The following HACD3 variants were observed in gnomAD, a reference collection of about 807,000 sequenced individuals.
HACD3 encodes very-long-chain (3R)-3-hydroxyacyl-CoA dehydratase 3.
HACD3 carries 30 observed loss-of-function variants against 55.2 expected under a neutral mutation model. The ratio of observed to expected loss-of-function variants is 0.54; its 90% confidence interval spans 0.41 to 0.74. The LOEUF (loss-of-function observed/expected upper bound fraction) is 0.74. Ranked by LOEUF, HACD3 falls within the 30% of genes least tolerant of loss-of-function variation. The pLI is 0.00. For synonymous variants in HACD3, 141 were observed against 151.7 expected (o/e 0.93, Z 0.52); for missense variants, 363 against 440.1 (o/e 0.82, Z 1.57).
intron 1 of HACD3, among the ~76,000 whole-genome samples, chr15:65,544,397 G>A (rs574314553): frequency 2.0e-5 from 3 of 152,246 alleles, no homozygotes; most frequent in Admixed American, 2.0e-4. Context: ...ACCTGCAAGC[G>A]AATGCAAGTA....
At chr15:65,560,639 A>G (rs2072235256) in intron 5 of HACD3, among the ~76,000 whole-genome samples, 1 of 152,142 alleles carries the variant, frequency 6.6e-6, no homozygotes, top group Non-Finnish European at 1.5e-5. Context: ...TCTACAAAAC[A>G]TAATGGAATA....
intron 1 of HACD3, among the ~76,000 whole-genome samples, chr15:65,537,635 T>TA (rs1215934092): frequency 2.0e-5 from 3 of 149,478 alleles, no homozygotes; most frequent in African/African-American, 7.4e-5. Context: ...TACTAAAAAA[T>TA]AAAAAAAATT....
intron 5 of HACD3, among the ~76,000 whole-genome samples, chr15:65,559,359 A>G (rs567421467): frequency 1.3e-5 from 2 of 152,056 alleles, no homozygotes; most frequent in East Asian, 1.9e-4. Context: ...CGTAGCGCCT[A>G]TACTCAAAAG....
At chr15:65,540,781 T>C (rs2141206283) in intron 1 of HACD3, among the ~76,000 whole-genome samples, 1 of 152,276 alleles carries the variant, frequency 6.6e-6, no homozygotes, top group Admixed American at 6.5e-5. Flanking sequence ...AGGATTTGTG[T>C]TTCAAAAAAG....
intron 7 of HACD3, 119 bp from the exon 8 acceptor site, chr15:65,569,972 T>G: frequency 1.6e-6 from 1 of 618,222 alleles, no homozygotes; most frequent in Non-Finnish European, 2.7e-6. Flanking sequence ...ATTAAACTGG[T>G]CGAGGTCAAT....
At chr15:65,556,699 A>G (rs1301034147) in intron 3 of HACD3, 40 bp from the exon 4 acceptor site, 2 of 1,568,530 alleles carry the variant, frequency 1.3e-6, no homozygotes, top group Non-Finnish European at 8.7e-7. Context: ...GCTTCAGGGA[A>G]CAGAAGAGGG....
At position 65,546,352 on chromosome 15, in the gene HACD3, G is replaced by C. The variant is rs188377800; in HGVS notation, c.88-5324G>C. ...ATGGAATTATTGTTCTTAGGTATTA[G>C]AAAGCTTTGGTAATTATACAAGATA... On this transcript the variant is annotated intron_variant, in intron 1 of 10. Coordinates refer to ENST00000261875, the MANE Select transcript of HACD3 (RefSeq NM_016395.4). Among the ~76,000 whole-genome samples, 603 of 152,096 alleles carry C rather than the reference G, an allele frequency of 4.0e-3. 2 individuals are homozygous for C. The highest frequency in any genetic ancestry group is 6.4e-3 in the Non-Finnish European group (432 of 68,020).
intron 10 of HACD3, among the ~76,000 whole-genome samples, chr15:65,575,440 G>T (rs1184690207): frequency 6.6e-6 from 1 of 152,014 alleles, no homozygotes; most frequent in Non-Finnish European, 1.5e-5. Context: ...CACCCATCTT[G>T]GCCTCCCGAA....
Position 65,558,749 on chromosome 15 carries a change from C to A in HACD3, c.421+18C>A. The stretch of plus-strand genomic sequence containing the variant: ...TCCTGAAAGTAAGTTGTGCTGCTGC[C>A]ATGGTAGTTACCAGTTAACTTGTGC... On this transcript the variant is annotated intron_variant, in intron 5 of 10. Transcript: ENST00000261875. The A allele has an allele frequency of 6.3e-7, 1 of 1,593,724 alleles. No homozygotes were observed. The highest frequency in any genetic ancestry group is 8.6e-7 in the Non-Finnish European group (1 of 1,169,052).
chr15:65,569,247 C>A (rs74790132), intron 7 of HACD3, among the ~76,000 whole-genome samples: 452 of 124,980 alleles, frequency 3.6e-3, no homozygotes, highest in Middle Eastern at 4.5e-3. Flanking sequence ...GACTCTGTCT[C>A]AAAAAAAAAA....
chr15:65,567,916 G>A (rs1267402203), intron 7 of HACD3, among the ~76,000 whole-genome samples: 1 of 151,236 alleles, frequency 6.6e-6, no homozygotes, highest in Non-Finnish European at 1.5e-5. Context: ...TGTTTAATGG[G>A]TCATAGTTTC....
rs778068061 is a variant in HACD3 at position 65,556,907 on chromosome 15, A to G, written c.369+4A>G. 1.9e-6 allele frequency: 3 copies of G among 1,609,336 alleles called. No homozygotes were observed. Among genetic ancestry groups the G allele is most frequent in the Admixed American group, 1.7e-5 (1 of 59,538 alleles). On this transcript the variant is annotated splice_donor_region_variant and intron_variant, in intron 4 of 10. Coordinates refer to ENST00000261875, the MANE Select transcript of HACD3 (RefSeq NM_016395.4). The stretch of plus-strand genomic sequence containing the variant: ...GGAAATGGAGCTCAGAGCTAAGGTT[A>G]GTAAGGATCCTAGGATCTAGCCATT...
intron 1 of HACD3, among the ~76,000 whole-genome samples, chr15:65,549,777 A>C (rs2072114782): frequency 6.6e-6 from 1 of 152,196 alleles, no homozygotes; most frequent in South Asian, 2.1e-4. Flanking sequence ...TTAGCTAAGT[A>C]TTAATAGAAG....
At chr15:65,542,317 G>A (rs936513819) in intron 1 of HACD3, among the ~76,000 whole-genome samples, 2 of 151,808 alleles carry the variant, frequency 1.3e-5, no homozygotes, top group Non-Finnish European at 2.9e-5. Context: ...AGGCTGGAGT[G>A]CAGTGGTGTG....
chr15:65,559,384 G>T (rs2072223941), intron 5 of HACD3, among the ~76,000 whole-genome samples: 2 of 152,014 alleles, frequency 1.3e-5, no homozygotes, highest in South Asian at 4.2e-4. Flanking sequence ...TACATTCTTA[G>T]TGAGGGAACT....
intron 1 of HACD3, among the ~76,000 whole-genome samples, chr15:65,546,836 C>T (rs2072082192): frequency 6.6e-6 from 1 of 152,062 alleles, no homozygotes. Flanking sequence ...TTGGGGTTCC[C>T]CGGCAGCCAC....
chr15:65,530,935 G>A (rs1183828103), intron 1 of HACD3: 3 of 520,880 alleles, frequency 5.8e-6, no homozygotes, highest in African/African-American at 4.1e-5. Context: ...GGAACCTTCG[G>A]GTCCCCAGAG....
intron 1 of HACD3, among the ~76,000 whole-genome samples, chr15:65,547,202 C>T (rs144158873): frequency 7.9e-5 from 12 of 152,168 alleles, no homozygotes; most frequent in South Asian, 4.2e-4. Flanking sequence ...CTGCAACCTC[C>T]GCCTCCTGGG....
At chr15:65,550,537 AG>A (rs1398266045) in intron 1 of HACD3, among the ~76,000 whole-genome samples, 1 of 152,252 alleles carries the variant, frequency 6.6e-6, no homozygotes, top group Non-Finnish European at 1.5e-5. Flanking sequence ...GGAAACTTGC[AG>A]GTCTAAATGG....
Sources: allele counts gnomAD v4.1 joint callset (sites outside exome capture counted in the v4.1 genomes callset), GRCh38; gene constraint gnomAD v4.1.1; transcripts MANE v1.5; gene names NCBI Gene and HGNC (gene_info 2026-07-23, HGNC 2026-07-21).